Variants in BAIAP2L2 observed in about 807,000 individuals in gnomAD.
BAIAP2L2 encodes BAR/IMD domain containing adaptor protein 2 like 2.
A neutral mutation model predicts 60.4 loss-of-function variants in BAIAP2L2; 65 were observed. That is an observed-to-expected ratio of 1.08 (90% CI 0.88 to 1.32). The LOEUF (loss-of-function observed/expected upper bound fraction) is 1.32. Ranked by LOEUF, BAIAP2L2 falls within the 40% of genes most tolerant of loss-of-function variation. BAIAP2L2 has a pLI of 0.00. For synonymous variants in BAIAP2L2, 344 were observed against 301.7 expected, an observed-to-expected ratio of 1.14 and a Z score of -1.45; for missense variants, 836 against 741.2, an observed-to-expected ratio of 1.13 and a Z score of -1.48.
intron 4 of BAIAP2L2, among the ~76,000 whole-genome samples, chr22:38,105,857 C>A (rs2086655933): frequency 6.6e-6 from 1 of 152,190 alleles, no homozygotes; most frequent in Non-Finnish European, 1.5e-5. Flanking sequence ...TGGCACAGGG[C>A]AGTCAGTAGG....
At chr22:38,088,026 G>A (rs920890142) in intron 10 of BAIAP2L2, among the ~76,000 whole-genome samples, 1 of 152,150 alleles carries the variant, frequency 6.6e-6, no homozygotes. Flanking sequence ...GTGGGCTGGT[G>A]TGGGCAGCCA....
chr22:38,093,041 C>T (rs2086344575), intron 7 of BAIAP2L2, among the ~76,000 whole-genome samples: 1 of 152,112 alleles, frequency 6.6e-6, no homozygotes, highest in Non-Finnish European at 1.5e-5. Context: ...TGGTGCATGC[C>T]TGTAATCCCA....
rs1379630348 is a variant in BAIAP2L2 at position 38,085,744 on chromosome 22, G to A, written c.1468-12C>T. ...GAGGACATCAGTTTCTGCAGTGGGG[G>A]TGGGGAAGGGCTGGTTTGGTGGGGA... is the stretch of plus-strand genomic sequence containing the variant. On this transcript the variant is annotated splice_polypyrimidine_tract_variant and intron_variant, in intron 12 of 13. Transcript: ENST00000381669. 2.5e-6 allele frequency: 4 copies of A among 1,589,554 alleles called. No homozygotes were observed. Among genetic ancestry groups the A allele is most frequent in the Non-Finnish European group, 3.4e-6 (4 of 1,169,806 alleles).
intron 4 of BAIAP2L2, among the ~76,000 whole-genome samples, chr22:38,106,556 C>T (rs2086668836): frequency 6.7e-6 from 1 of 149,608 alleles, no homozygotes; most frequent in Non-Finnish European, 1.5e-5. Context: ...AAAGATTGTT[C>T]CCCATGCCCA....
chr22:38,108,000 G>C, intron 3 of BAIAP2L2, 87 bp from the exon 4 acceptor site: 2 of 1,428,858 alleles, frequency 1.4e-6, no homozygotes, highest in Non-Finnish European at 1.9e-6. Flanking sequence ...GCCAACAGAG[G>C]GCCTGCCCGA....
chr22:38,087,148 T>G lies in BAIAP2L2; in HGVS notation c.1235A>C (p.Asn412Thr), dbSNP rs1464215964. The change falls in exon 11 of 14, where the codon AAC becomes ACC. Residue 412 changes from asparagine to threonine, a missense_variant. Asn to Thr is a moderately conservative substitution (Grantham distance 65). Coordinates refer to ENST00000381669, the MANE Select transcript of BAIAP2L2 (RefSeq NM_025045.6). ...MTSMSPMTPM[N>T]PGNELPSRSY... ...CCTGGAAGGCAGCTCGTTCCCGGGG[T>G]TCATGGGTGTCATGGGGGACATGGA... The G allele has an allele frequency of 1.3e-6, 2 of 1,591,928 alleles. No individual in the cohort carries two copies. Among genetic ancestry groups the G allele is most frequent in the Admixed American group, 1.8e-5 (1 of 55,226 alleles).
Position 38,086,403 on chromosome 22 carries a change from G to T in BAIAP2L2, c.1306C>A (p.Arg436=), listed in dbSNP as rs767564093. 1.3e-6 allele frequency: 2 copies of T among 1,528,406 alleles called. No individual in the cohort carries two copies. Among genetic ancestry groups the T allele is most frequent in the East Asian group, 2.4e-5 (1 of 41,814 alleles). 94.7% of individuals were successfully genotyped at this position (1,528,406 alleles called of 1,614,324 possible). Residue 436 remains arginine (R), a synonymous_variant, in exon 12 of 14, where the codon CGG becomes AGG. Coordinates refer to ENST00000381669, the MANE Select transcript of BAIAP2L2 (RefSeq NM_025045.6). Reference sequence around the variant, plus strand: ...GAGGGTGCTATGGAGTTGCCCGGCCGGTCCAGGAGGTCATCGAGGCTGTGG... The same window carrying T: ...GAGGGTGCTATGGAGTTGCCCGGCCTGTCCAGGAGGTCATCGAGGCTGTGG... The part of the protein sequence containing the change: ...GSHSLDDLLD[R]PGNSIAPSEY...
Position 38,088,752 on chromosome 22 carries a change from A to T in BAIAP2L2, c.1114T>A (p.Ser372Thr), listed in dbSNP as rs1402126835. 3 of 1,479,740 alleles carry T rather than the reference A, an allele frequency of 2.0e-6. No individual in the cohort carries two copies. The highest frequency in any genetic ancestry group is 2.7e-6 in the Non-Finnish European group (3 of 1,102,598). The allele number at this position is 1,479,740 out of a possible 1,614,324, so 91.7% of individuals were successfully genotyped here. A position where few individuals can be genotyped will look rare whatever the true frequency, so the allele number is the denominator to read the frequency against. ...CCCTCCAAGGCTCCCACTCACGCGG[A>T]CGAGCCCTCCAGCTTGCCGTAGAGC... ...GWLYGKLEGS[S>T]ASGWFPEAYV... Residue 372 changes from serine to threonine, a missense_variant, in exon 10 of 14, where the codon TCC becomes ACC. Physicochemically the swap from Ser to Thr is moderately conservative, Grantham distance 58. Transcript: ENST00000381669.
chr22:38,109,083 G>GGGCCCA, intron 2 of BAIAP2L2, 50 bp downstream of exon 2: 1 of 1,209,622 alleles, frequency 8.3e-7, no homozygotes, highest in Middle Eastern at 3.2e-4. Flanking sequence ...GGGTGGGTGG[G>GGGCCCA]AACAGCAGAG....
intron 4 of BAIAP2L2, among the ~76,000 whole-genome samples, chr22:38,106,444 C>T (rs2086666177): frequency 6.6e-6 from 1 of 150,876 alleles, no homozygotes; most frequent in Non-Finnish European, 1.5e-5. Flanking sequence ...GGCATGAACC[C>T]AGGAGGCGGA....
At chr22:38,088,426 A>G (rs1303449439) in intron 10 of BAIAP2L2, among the ~76,000 whole-genome samples, 2 of 152,218 alleles carry the variant, frequency 1.3e-5, no homozygotes, top group African/African-American at 2.4e-5. Context: ...GAGGGGAAGC[A>G]GCCTCCTCCC....
intron 4 of BAIAP2L2, among the ~76,000 whole-genome samples, chr22:38,099,595 C>T (rs2086522767): frequency 6.6e-6 from 1 of 152,006 alleles, no homozygotes; most frequent in South Asian, 2.1e-4. Flanking sequence ...GCTTGATGAG[C>T]TTCGATTCTG....
Position 38,098,184 on chromosome 22 carries a change from G to C in BAIAP2L2, c.349-5C>G. On this transcript the variant is annotated splice_polypyrimidine_tract_variant and splice_region_variant and intron_variant, in intron 5 of 13. Coordinates refer to ENST00000381669, the MANE Select transcript of BAIAP2L2 (RefSeq NM_025045.6). ...CTCATAGTGCTGGCGGCTGTCCTGG[G>C]GTAGGGTGGAGTCGGGGAGGGAGAA... 1 of 1,613,906 alleles carries C rather than the reference G, an allele frequency of 6.2e-7. No individual in the cohort carries two copies. Among genetic ancestry groups the C allele is most frequent in the East Asian group, 2.2e-5 (1 of 44,884 alleles).
In BAIAP2L2 at chr22:38,087,158, TCATGGGGGA is replaced by T. The variant is rs756939074; in HGVS notation, c.1216_1224del (p.Ser406_Met408del). On this transcript the variant is annotated inframe_deletion, in exon 11 of 14. Coordinates refer to ENST00000381669, the MANE Select transcript of BAIAP2L2 (RefSeq NM_025045.6). ...AGCTCGTTCCCGGGGTTCATGGGTG[TCATGGGGGA>T]CATGGAGGTCATGGAGGTCATGGGG... The T allele has an allele frequency of 2.3e-4, 362 of 1,588,798 alleles. 1 individual carries two copies. The highest frequency in any genetic ancestry group is 5.1e-4 in the Middle Eastern group (3 of 5,920).
chr22:38,096,033 T>C (rs560532593), intron 7 of BAIAP2L2, among the ~76,000 whole-genome samples: 3 of 152,288 alleles, frequency 2.0e-5, no homozygotes, highest in Admixed American at 1.3e-4. Flanking sequence ...CCTTTTCTAT[T>C]AGAAGACACA....
chr22:38,096,815 CAA>C (rs964663762), intron 7 of BAIAP2L2, among the ~76,000 whole-genome samples: 20 of 152,142 alleles, frequency 1.3e-4, no homozygotes, highest in Admixed American at 3.9e-4. Flanking sequence ...TAAAAACAAA[CAA>C]TATCACGAGT....
chr22:38,110,541 G>A lies in BAIAP2L2; in HGVS notation c.-16C>T. On this transcript the variant is annotated 5_prime_UTR_variant, in exon 1 of 14. Transcript: ENST00000381669. ...CGGGGGCCATGGAGGGGCTGTCCCG[G>A]GTCTGAGCAGGAGGCTGGGAGCTGG... 6.2e-7 allele frequency: 1 copy of A among 1,605,738 alleles called. No individual in the cohort carries two copies. The highest frequency in any genetic ancestry group is 8.5e-7 in the Non-Finnish European group (1 of 1,175,528).
At chr22:38,095,971 G>A (rs993361815) in intron 7 of BAIAP2L2, among the ~76,000 whole-genome samples, 4 of 152,120 alleles carry the variant, frequency 2.6e-5, no homozygotes, top group Non-Finnish European at 5.9e-5. Flanking sequence ...TATCTAAAAG[G>A]AATAAAACCC....
chr22:38,086,465 G>A lies in BAIAP2L2; in HGVS notation c.1260-16C>T, dbSNP rs559307799. The A allele has an allele frequency of 6.8e-7, 1 of 1,478,468 alleles. No homozygotes were observed. Among genetic ancestry groups the A allele is most frequent in the South Asian group, 1.4e-5 (1 of 73,218 alleles). The allele number at this position is 1,478,468 out of a possible 1,614,324, so 91.6% of individuals were successfully genotyped here. On this transcript the variant is annotated splice_polypyrimidine_tract_variant and intron_variant, in intron 11 of 13. Coordinates refer to ENST00000381669, the MANE Select transcript of BAIAP2L2 (RefSeq NM_025045.6). ...TGGGTAGGACCTAAGTCCAGAGAAAGGAGGGGGAAGGAAAGGGGTTGGGGC... is the reference window on the plus strand; with the variant it reads ...TGGGTAGGACCTAAGTCCAGAGAAAAGAGGGGGAAGGAAAGGGGTTGGGGC...
Sources: allele counts gnomAD v4.1 joint callset (sites outside exome capture counted in the v4.1 genomes callset), GRCh38; gene constraint gnomAD v4.1.1; transcripts MANE v1.5; gene names NCBI Gene and HGNC (gene_info 2026-07-23, HGNC 2026-07-21).